GOLGA6L9: variants seen among roughly 807,000 people sequenced by gnomAD.
GOLGA6L9 encodes golgin subfamily A member 6-like protein 9.
Under a neutral mutation model 51.3 loss-of-function variants are expected in GOLGA6L9, and 19 were observed. That is an observed-to-expected ratio of 0.37 (90% CI 0.26 to 0.54). GOLGA6L9 has a LOEUF of 0.54. GOLGA6L9 is among the 20% of genes least tolerant of loss of function. The pLI, the probability that GOLGA6L9 is intolerant of heterozygous loss-of-function variation, is 0.83. For missense variants in GOLGA6L9, 247 were observed against 464.1 expected (o/e 0.53, Z 4.30); for synonymous variants, 97 against 184.2 (o/e 0.53, Z 3.83).
the GOLGA6L9 span, among the ~76,000 whole-genome samples, chr15:82,416,399 A>C: frequency 6.6e-6 from 1 of 152,130 alleles, no homozygotes; most frequent in African/African-American, 2.4e-5. Flanking sequence ...ACAGGGGAGT[A>C]ACAGTAAAGA....
rs2031419000 is a variant in GOLGA6L9 at position 82,431,940 on chromosome 15, A to G, written c.195A>G (p.Ser65=). The change falls in exon 2 of 9, where the codon TCA becomes TCG. Residue 65 remains serine, a synonymous_variant. Coordinates refer to ENST00000618348, the MANE Select transcript of GOLGA6L9 (RefSeq NM_198181.4). ...CATTCACTTCTGGTGGTTACCACTC[A>G]CCTGGGGATGTGAGTCTCGGCGGGC... ...PDTFTSGGYH[S]PGDSATGIYG... The G allele has an allele frequency of 7.4e-7, 1 of 1,353,110 alleles. No homozygotes were observed. The highest frequency in any genetic ancestry group is 1.5e-5 in the African/African-American group (1 of 68,566). 83.8% of individuals were successfully genotyped at this position (1,353,110 alleles called of 1,614,324 possible).
chr15:82,432,495 G>C, intron 2 of GOLGA6L9, 77 bp from the exon 3 acceptor site: 1 of 1,562,614 alleles, frequency 6.4e-7, no homozygotes, highest in Non-Finnish European at 8.6e-7. Context: ...CCAGTTGATG[G>C]GGGAAGAAAG....
At chr15:82,418,740 G>A in the GOLGA6L9 span, 1 of 152,236 alleles carries the variant, frequency 6.6e-6, no homozygotes, top group Non-Finnish European at 1.5e-5. Context: ...CAACAGAATG[G>A]ATAAGAACAA....
the GOLGA6L9 span, among the ~76,000 whole-genome samples, chr15:82,418,152 C>A: frequency 6.6e-6 from 1 of 152,144 alleles, no homozygotes; most frequent in Non-Finnish European, 1.5e-5. Context: ...TGAATAATGT[C>A]ATGAAAACAA....
chr15:82,434,237 G>C lies in GOLGA6L9; in HGVS notation c.637G>C (p.Glu213Gln). Residue 213 changes from glutamate (E) to glutamine (Q), a missense_variant, in exon 6 of 9, where the codon GAG (glutamate) becomes CAG (glutamine). Coordinates refer to ENST00000618348, the MANE Select transcript of GOLGA6L9 (RefSeq NM_198181.4). The stretch of plus-strand genomic sequence containing the variant: ...GGAGGAGAGGCTACGTGAACAGGAG[G>C]AGAGGCTGTGTGAACAGGAGGAGAG... The part of the protein sequence containing the change: ...EQEERLREQE[E>Q]RLCEQEERLC... 1 of 1,551,640 alleles carries C rather than the reference G, an allele frequency of 6.4e-7. No homozygotes were observed. The highest frequency in any genetic ancestry group is 8.6e-7 in the Non-Finnish European group (1 of 1,156,082).
At chr15:82,427,590 T>C (rs1289499144), upstream of GOLGA6L9, among the ~76,000 whole-genome samples, 2 of 151,470 alleles carry the variant, frequency 1.3e-5, no homozygotes, top group East Asian at 4.0e-4. Context: ...TGCAGTGCCA[T>C]AATCATAGCT....
At chr15:82,416,313 T>G in the GOLGA6L9 span, among the ~76,000 whole-genome samples, 1 of 152,212 alleles carries the variant, frequency 6.6e-6, no homozygotes, top group Non-Finnish European at 1.5e-5. Flanking sequence ...TTCTGTGGAT[T>G]GGTGACAGAT....
chr15:82,429,165 C>A (rs1296521899), upstream of GOLGA6L9, among the ~76,000 whole-genome samples: 3 of 151,402 alleles, frequency 2.0e-5, no homozygotes, highest in Non-Finnish European at 2.9e-5. Flanking sequence ...ACCTCCATCT[C>A]CTGGGTTCAA....
chr15:82,417,273 C>T, the GOLGA6L9 span, among the ~76,000 whole-genome samples: 2 of 152,102 alleles, frequency 1.3e-5, no homozygotes, highest in Non-Finnish European at 2.9e-5. Flanking sequence ...ATGACCGTTA[C>T]TTCAATTATT....
the GOLGA6L9 span, among the ~76,000 whole-genome samples, chr15:82,418,413 T>C: frequency 6.6e-6 from 1 of 152,220 alleles, no homozygotes; most frequent in Non-Finnish European, 1.5e-5. Flanking sequence ...GGTGTCCACA[T>C]AGATCTAATC....
chr15:82,430,105 C>G lies in GOLGA6L9; in HGVS notation c.26C>G (p.Pro9Arg). 1 of 804,224 alleles carries G rather than the reference C, an allele frequency of 1.2e-6. No individual in the cohort carries two copies. The highest frequency in any genetic ancestry group is 2.7e-5 in the East Asian group (1 of 37,476). 49.8% of individuals were successfully genotyped at this position (804,224 alleles called of 1,614,324 possible). A position where few individuals can be genotyped will look rare whatever the true frequency, so the allele number is the denominator to read the frequency against. MWPQPRLP[P>R]HPAMSEKTQQ... ...ATGTGGCCCCAACCCCGCCTCCCTC[C>G]CCACCCCGCGATGTCAGAAAAAACA... The change falls in exon 1 of 9, where the codon CCC becomes CGC. Residue 9 changes from proline (P) to arginine (R), a missense_variant. By Grantham distance (103) the Pro-to-Arg change is moderately radical (BLOSUM62 -2). This residue lies in a region of GOLGA6L9 where 14 missense variants were observed against 18.1 expected (regional missense o/e 0.77). Coordinates refer to ENST00000618348, the MANE Select transcript of GOLGA6L9 (RefSeq NM_198181.4).
At chr15:82,417,613 T>G in the GOLGA6L9 span, among the ~76,000 whole-genome samples, 1 of 152,236 alleles carries the variant, frequency 6.6e-6, no homozygotes, top group Non-Finnish European at 1.5e-5. Flanking sequence ...TCTGAGACTC[T>G]GCAACCTTAA....
intron 4 of GOLGA6L9, among the ~76,000 whole-genome samples, chr15:82,433,186 G>A (rs2031488085): frequency 6.6e-6 from 1 of 150,698 alleles, no homozygotes; most frequent in Admixed American, 6.6e-5. Context: ...CTGGTTGTCA[G>A]AGGTCCATAT....
upstream of GOLGA6L9, among the ~76,000 whole-genome samples, chr15:82,427,399 C>A (rs1272030080): frequency 6.6e-6 from 1 of 151,992 alleles, no homozygotes; most frequent in African/African-American, 2.4e-5. Flanking sequence ...TCTTTATTCC[C>A]TCCCTCCCTC....
At chr15:82,417,582 GC>G in the GOLGA6L9 span, among the ~76,000 whole-genome samples, 4 of 152,334 alleles carry the variant, frequency 2.6e-5, no homozygotes, top group African/African-American at 9.6e-5. Flanking sequence ...ACCTGAAAAT[GC>G]AAAAACTTTC....
chr15:82,417,070 A>G, the GOLGA6L9 span, among the ~76,000 whole-genome samples: 2 of 152,294 alleles, frequency 1.3e-5, no homozygotes, highest in Non-Finnish European at 1.5e-5. Context: ...AGATTTGCCT[A>G]TCCTGGACAT....
At chr15:82,427,301 C>T (rs2031226758), upstream of GOLGA6L9, among the ~76,000 whole-genome samples, 1 of 123,902 alleles carries the variant, frequency 8.1e-6, no homozygotes, top group Non-Finnish European at 1.6e-5. Flanking sequence ...TTCCCTCCCT[C>T]CCTCCCTCTC....
the GOLGA6L9 span, among the ~76,000 whole-genome samples, chr15:82,420,531 T>C: frequency 6.6e-6 from 1 of 152,242 alleles, no homozygotes; most frequent in Non-Finnish European, 1.5e-5. Flanking sequence ...TACTTTTTAT[T>C]AGCTCTTTCA....
chr15:82,416,107 AGT>A, the GOLGA6L9 span: 2 of 152,228 alleles, frequency 1.3e-5, no homozygotes, highest in Non-Finnish European at 2.9e-5. Context: ...GTGAAATGTG[AGT>A]GGGGTTTGGT....
Sources: gnomAD v4.1 joint callset for allele counts (sites outside exome capture counted in the v4.1 genomes callset) on GRCh38, gnomAD v4.1.1 for gene constraint, gnomAD v4.1.1 regional missense constraint, MANE v1.5 for transcripts, NCBI Gene and HGNC (gene_info 2026-07-23, HGNC 2026-07-21) for gene names.